The following SEC14L6 variants were observed in gnomAD, a reference collection of about 807,000 sequenced individuals.
SEC14L6 encodes SEC14-like protein 6.
Under a neutral mutation model 54.1 loss-of-function variants are expected in SEC14L6, and 40 were observed. The ratio of observed to expected loss-of-function variants is 0.74; its 90% CI spans 0.57 to 0.96. SEC14L6 has a LOEUF of 0.96. Ranked by LOEUF, SEC14L6 falls within the 40% of genes least tolerant of loss-of-function variation. The pLI, the probability that SEC14L6 is intolerant of heterozygous loss-of-function variation, is 0.00. For missense variants in SEC14L6, 471 were observed against 498.3 expected (o/e 0.95, Z 0.52); for synonymous variants, 171 against 198.4 (o/e 0.86, Z 1.16).
chr22:30,534,517 T>G (rs1380724165), intron 2 of SEC14L6, among the ~76,000 whole-genome samples: 5 of 151,936 alleles, frequency 3.3e-5, no homozygotes, highest in South Asian at 2.1e-4. Context: ...GTTCAAGTGA[T>G]TCTCCTGCCT....
At chr22:30,533,051 G>A (rs1937036630) in intron 3 of SEC14L6, 195 bp from the exon 4 acceptor site, 3 of 985,384 alleles carry the variant, frequency 3.0e-6, no homozygotes, top group Non-Finnish European at 1.2e-6. Flanking sequence ...TGAGAGGCCA[G>A]GAGAGACCTA....
intron 1 of SEC14L6, among the ~76,000 whole-genome samples, chr22:30,540,366 CCT>C (rs1491522450): frequency 3.7e-5 from 5 of 134,504 alleles, no homozygotes; most frequent in Non-Finnish European, 4.7e-5. Context: ...CCTTTTTGTT[CCT>C]TTTTTTTTTT....
At chr22:30,528,408 A>C (rs932436991) in intron 8 of SEC14L6, among the ~76,000 whole-genome samples, 1 of 130,526 alleles carries the variant, frequency 7.7e-6, no homozygotes, top group Admixed American at 7.8e-5. Flanking sequence ...GGCGTGAACC[A>C]CCGCGCTCGG....
chr22:30,529,434 G>T, intron 6 of SEC14L6, 85 bp from the exon 7 acceptor site: 1 of 1,113,460 alleles, frequency 9.0e-7, no homozygotes, highest in Non-Finnish European at 1.3e-6. Context: ...GGACCCAAGG[G>T]CACAGCCTTG....
intron 3 of SEC14L6, among the ~76,000 whole-genome samples, chr22:30,533,793 T>C (rs1024017843): frequency 3.9e-5 from 6 of 152,200 alleles, no homozygotes; most frequent in African/African-American, 1.2e-4. Flanking sequence ...AATTGTCTTC[T>C]TTGTTCCTCT....
rs773969166 is a variant in SEC14L6, at chr22:30,528,422, C to CCTTTTTTTTTTT, written c.664+664_664+665insAAAAAAAAAAAG. Among the ~76,000 whole-genome samples the CCTTTTTTTTTTT allele has an allele frequency of 2.8e-4, 30 of 105,508 alleles. 2 individuals carry two copies. The highest frequency in any genetic ancestry group is 1.1e-3 in the African/African-American group (27 of 25,092). 69.2% of individuals were successfully genotyped at this position (105,508 alleles called of 152,430 possible). ...AGGCGTGAACCACCGCGCTCGGCCT[C>CCTTTTTTTTTTT]TTTTTTTTTTTTTTTTTTTGAGATA... On this transcript the variant is annotated intron_variant, in intron 8 of 11. Coordinates refer to ENST00000402034, the MANE Select transcript of SEC14L6 (RefSeq NM_001193336.4).
intron 1 of SEC14L6, chr22:30,543,103 G>A (rs920143468): frequency 3.1e-5 from 49 of 1,602,390 alleles, no homozygotes; most frequent in Non-Finnish European, 3.9e-5. Context: ...CTCACCCAGA[G>A]ACATCAGCCT....
At position 30,532,596 on chromosome 22, in the gene SEC14L6, G is replaced by C. The variant is rs1019303909; in HGVS notation, c.352C>G (p.Gln118Glu). 1.3e-6 allele frequency: 2 copies of C among 1,550,534 alleles called. No individual in the cohort carries two copies. The highest frequency in any genetic ancestry group is 3.9e-5 in the Admixed American group (2 of 50,982). ...PKGLLLSASK[Q>E]ELLRDSFRSC... is the part of the protein sequence containing the mutation. ...CGGAAGCTGTCCCTGAGCAACTCCT[G>C]TTTGGAGGCTGAGAGCAAGAGGCCT... The change falls in exon 5 of 12, where the codon CAG becomes GAG. Residue 118 changes from glutamine to glutamate, a missense_variant. By Grantham distance (29) the Gln-to-Glu change is conservative. Transcript: ENST00000402034.
chr22:30,545,872 C>T (rs991162007), intron 1 of SEC14L6, among the ~76,000 whole-genome samples: 1 of 151,586 alleles, frequency 6.6e-6, no homozygotes, highest in Non-Finnish European at 1.5e-5. Context: ...GCTCTGTCTC[C>T]CAGGCTGGAG....
intron 2 of SEC14L6, among the ~76,000 whole-genome samples, chr22:30,536,359 G>A (rs888817278): frequency 5.3e-5 from 8 of 152,168 alleles, no homozygotes; most frequent in Non-Finnish European, 8.8e-5. Context: ...AGCTGAAACC[G>A]ACTCCAGCCC....
chr22:30,529,256 C>T, intron 7 of SEC14L6, 33 bp downstream of exon 7: 1 of 1,548,068 alleles, frequency 6.5e-7, no homozygotes, highest in East Asian at 2.4e-5. Flanking sequence ...CCTGTCCCCC[C>T]AACTCATGCA....
In SEC14L6 at chr22:30,524,919, G is replaced by T; in HGVS notation, c.*78C>A. On this transcript the variant is annotated 3_prime_UTR_variant, in exon 12 of 12. Coordinates refer to ENST00000402034, the MANE Select transcript of SEC14L6 (RefSeq NM_001193336.4). Reference sequence around the variant, plus strand: ...ATCCCTGTTCCTGAGAGGTTGAACAGGGTCTGGCCAGGGAAGGCTGTGAAC... The same window carrying T: ...ATCCCTGTTCCTGAGAGGTTGAACATGGTCTGGCCAGGGAAGGCTGTGAAC... 1 of 771,408 alleles carries T rather than the reference G, an allele frequency of 1.3e-6. No individual in the cohort carries two copies. Among genetic ancestry groups the T allele is most frequent in the Non-Finnish European group, 2.3e-6 (1 of 440,324 alleles). The allele number at this position is 771,408 out of a possible 1,614,324, so 47.8% of individuals were successfully genotyped here.
chr22:30,544,982 C>A (rs1568977575), intron 1 of SEC14L6, among the ~76,000 whole-genome samples: 1 of 152,110 alleles, frequency 6.6e-6, no homozygotes, highest in Non-Finnish European at 1.5e-5. Flanking sequence ...CTTCTTTGCC[C>A]CGGGAACCCC....
intron 1 of SEC14L6, among the ~76,000 whole-genome samples, chr22:30,546,096 A>C (rs1006201493): frequency 6.6e-6 from 1 of 151,944 alleles, no homozygotes; most frequent in African/African-American, 2.4e-5. Context: ...AGAAAATTTC[A>C]AAAAGGCCGG....
chr22:30,528,670 T>C (rs1195888136), intron 8 of SEC14L6, among the ~76,000 whole-genome samples: 3 of 149,020 alleles, frequency 2.0e-5, no homozygotes, highest in Admixed American at 6.7e-5. Context: ...GCAATCTTCC[T>C]GTCTCGGCCT....
intron 6 of SEC14L6, among the ~76,000 whole-genome samples, chr22:30,531,561 C>T (rs1936973524): frequency 1.3e-5 from 2 of 152,098 alleles, no homozygotes; most frequent in South Asian, 2.1e-4. Flanking sequence ...CCCATCTCTA[C>T]TAAAAATACA....
At chr22:30,532,085 TG>T (rs2146264262) in intron 5 of SEC14L6, 87 bp from the exon 6 acceptor site, 2 of 1,490,798 alleles carry the variant, frequency 1.3e-6, no homozygotes, top group Non-Finnish European at 1.8e-6. Context: ...CCCAGGGCAC[TG>T]GCCTGGCTTG....
chr22:30,531,821 G>A lies in SEC14L6; in HGVS notation c.519+82C>T, dbSNP rs912085505. On this transcript the variant is annotated intron_variant, in intron 6 of 11. Coordinates refer to ENST00000402034, the MANE Select transcript of SEC14L6 (RefSeq NM_001193336.4). Reference sequence around the variant, plus strand: ...CTGGCAGTGAGGAGAGAGGATTCCCGCCCCTGCCCCACACCAGCAAGTGGA... The same window carrying A: ...CTGGCAGTGAGGAGAGAGGATTCCCACCCCTGCCCCACACCAGCAAGTGGA... 2.2e-5 allele frequency: 22 copies of A among 981,158 alleles called. 1 individual carries two copies. The highest frequency in any genetic ancestry group is 1.8e-4 in the East Asian group (7 of 38,248). 60.8% of individuals were successfully genotyped at this position (981,158 alleles called of 1,614,324 possible).
intron 1 of SEC14L6, among the ~76,000 whole-genome samples, chr22:30,546,050 C>T (rs902010597): frequency 2.6e-5 from 4 of 151,932 alleles, no homozygotes; most frequent in East Asian, 2.0e-4. Flanking sequence ...TGAGCCACAG[C>T]GCCCAGCCTC....
Sources: gnomAD v4.1 joint callset for allele counts (sites outside exome capture counted in the v4.1 genomes callset) on GRCh38, gnomAD v4.1.1 for gene constraint, MANE v1.5 for transcripts, NCBI Gene and HGNC (gene_info 2026-07-23, HGNC 2026-07-21) for gene names.